NMUR1: variants seen among roughly 807,000 people sequenced by gnomAD.
The protein encoded by NMUR1 is neuromedin U receptor 1.
NMUR1 carries 16 observed loss-of-function variants against 18.8 expected under a neutral mutation model. That is an observed-to-expected ratio of 0.85 (90% CI 0.58 to 1.29). NMUR1 has a LOEUF of 1.29. NMUR1 is among the 50% of genes most tolerant of loss of function. NMUR1 has a pLI of 0.00. For synonymous variants in NMUR1, 258 were observed against 258.2 expected (o/e 1.00, Z 0.01); for missense variants, 529 against 580.3 (o/e 0.91, Z 0.91).
At position 231,525,042 on chromosome 2, in the gene NMUR1, C is replaced by G. The variant is rs2125662687; in HGVS notation, c.*1G>C. On this transcript the variant is annotated 3_prime_UTR_variant, in exon 3 of 3. Coordinates refer to ENST00000305141, the MANE Select transcript of NMUR1 (RefSeq NM_006056.5). The stretch of plus-strand genomic sequence containing the variant: ...CAGGTGAAGCCACTTTAAGGCTCCA[C>G]TCAGGATGGATCGGTCTCTTGCTGC... The G allele has an allele frequency of 3.8e-6, 6 of 1,562,790 alleles. No homozygotes were observed. In the South Asian group the frequency reaches 7.3e-5, roughly 19 times the overall value.
intron 2 of NMUR1, 101 bp downstream of exon 2, chr2:231,528,022 C>T: frequency 7.9e-7 from 1 of 1,266,490 alleles, no homozygotes; most frequent in South Asian, 1.5e-5. Context: ...GTTCCTCGTC[C>T]CCCATAAACC....
rs780783722 is a variant in NMUR1, at chr2:231,528,888, CGTCA to C, written c.129_132del (p.Asp44ArgfsTer3). ...CCCAGGTACTTGAGTCTCAGTGCCTCGTCAGTCAGGTTCAAGTCCTCAGGGTCAA... is the reference window on the plus strand; with the variant it reads ...CCCAGGTACTTGAGTCTCAGTGCCTCGTCAGGTTCAAGTCCTCAGGGTCAA... On this transcript the variant is annotated frameshift_variant, in exon 2 of 3. Coordinates refer to ENST00000305141, the MANE Select transcript of NMUR1 (RefSeq NM_006056.5). LOFTEE classifies it high-confidence loss of function. 3 of 1,614,062 alleles carry C rather than the reference CGTCA, an allele frequency of 1.9e-6. No homozygotes were observed. Among genetic ancestry groups the C allele is most frequent in the South Asian group, 1.1e-5 (1 of 91,078 alleles).
chr2:231,528,805 C>T lies in NMUR1; in HGVS notation c.216G>A (p.Val72=). 6.2e-7 allele frequency: 1 copy of T among 1,614,252 alleles called. No individual in the cohort carries two copies. The highest frequency in any genetic ancestry group is 8.5e-7 in the Non-Finnish European group (1 of 1,180,048). The part of the protein sequence containing the change: ...PICATYLLIF[V]VGAVGNGLTC... ...TCAGCCCATTGCCCACAGCGCCCAC[C>T]ACGAAGATCAGCAGGTATGTGGCAC... is the stretch of plus-strand genomic sequence containing the variant. Residue 72 remains valine, a synonymous_variant, in exon 2 of 3, where the codon GTG becomes GTA. Coordinates refer to ENST00000305141, the MANE Select transcript of NMUR1 (RefSeq NM_006056.5).
Position 231,525,111 on chromosome 2 carries a change from C to G in NMUR1, c.1213G>C (p.Gly405Arg). The change falls in exon 3 of 3, where the codon GGC (glycine) becomes CGC (arginine). Residue 405 changes from glycine to arginine, a missense_variant. Gly to Arg is a moderately radical substitution (Grantham distance 125, BLOSUM62 -2). Transcript: ENST00000305141. ...GSTLCDVGSL[G>R]SWVHPLAGND... The stretch of plus-strand genomic sequence containing the variant: ...CCAGCCAGGGGGTGGACCCAGCTGC[C>G]CAGGGAGCCCACATCACACAGGGTG... 6.2e-7 allele frequency: 1 copy of G among 1,612,782 alleles called. No individual in the cohort carries two copies.
At position 231,524,149 on chromosome 2, in the gene NMUR1, A is replaced by C. The variant is rs1439035521; in HGVS notation, c.*894T>G. 6.6e-6 allele frequency: 1 copy of C among 152,274 alleles called. No homozygotes were observed. Among genetic ancestry groups the C allele is most frequent in the South Asian group, 2.1e-4 (1 of 4,838 alleles). The allele number at this position is 152,274 out of a possible 1,614,324, so 9.4% of individuals were successfully genotyped here. On this transcript the variant is annotated 3_prime_UTR_variant, in exon 3 of 3. Coordinates refer to ENST00000305141, the MANE Select transcript of NMUR1 (RefSeq NM_006056.5). The stretch of plus-strand genomic sequence containing the variant: ...GGGTATTGTTGGTTTTATTATAAGC[A>C]GTGGCTTACACACACACAGAAAGAA...
At chr2:231,522,476 TC>T (rs1021187143), downstream of NMUR1, among the ~76,000 whole-genome samples, 3 of 151,546 alleles carry the variant, frequency 2.0e-5, no homozygotes, top group Non-Finnish European at 4.4e-5. Flanking sequence ...ATCCGGCATC[TC>T]CCCCTCCCAC....
chr2:231,523,306 T>A lies in NMUR1; in HGVS notation c.*1737A>T, dbSNP rs953239868. ...ATGTACCATCTTAACCATTTCAGTG[T>A]ATAGTTCAGTATTGTTATGTATATT... On this transcript the variant is annotated 3_prime_UTR_variant, in exon 3 of 3. Transcript: ENST00000305141. 1 of 358,204 alleles carries A rather than the reference T, an allele frequency of 2.8e-6. No homozygotes were observed. Among genetic ancestry groups the A allele is most frequent in the Non-Finnish European group, 5.1e-6 (1 of 197,264 alleles). 22.2% of individuals were successfully genotyped at this position (358,204 alleles called of 1,614,324 possible). A position where few individuals can be genotyped will look rare whatever the true frequency, so the allele number is the denominator to read the frequency against.
chr2:231,529,121 A>G (rs2047390988), intron 1 of NMUR1, 104 bp from the exon 2 acceptor site: 2 of 1,136,014 alleles, frequency 1.8e-6, no homozygotes, highest in East Asian at 5.2e-5. Flanking sequence ...GATGACCATT[A>G]TTTTAGGCAC....
At chr2:231,526,502 G>A (rs549479485) in intron 2 of NMUR1, among the ~76,000 whole-genome samples, 1 of 152,338 alleles carries the variant, frequency 6.6e-6, no homozygotes, top group South Asian at 2.1e-4. Flanking sequence ...CATGTTTTCA[G>A]GGAGGGGACG....
chr2:231,529,118 A>T, intron 1 of NMUR1, 101 bp from the exon 2 acceptor site: 1 of 1,155,574 alleles, frequency 8.7e-7, no homozygotes, highest in Non-Finnish European at 1.2e-6. Context: ...TATGATGACC[A>T]TTATTTTAGG....
intron 2 of NMUR1, among the ~76,000 whole-genome samples, chr2:231,525,785 TG>T (rs2047350524): frequency 6.6e-6 from 1 of 152,202 alleles, no homozygotes; most frequent in Admixed American, 6.5e-5. Context: ...ATACAAGCTG[TG>T]GGGCTAGGGC....
At chr2:231,521,756 T>C (rs199749281), downstream of NMUR1, among the ~76,000 whole-genome samples, 19 of 152,074 alleles carry the variant, frequency 1.2e-4, no homozygotes, top group East Asian at 2.1e-3. Flanking sequence ...GACCTGGGAG[T>C]AGCACTGGGG....
chr2:231,522,011 T>TC (rs2047309319), downstream of NMUR1, among the ~76,000 whole-genome samples: 1 of 114,460 alleles, frequency 8.7e-6, no homozygotes, highest in African/African-American at 3.4e-5. Context: ...AGGGCCTCAC[T>TC]CCAATTTGCC....
rs2047336349 is a variant in NMUR1 at position 231,524,609 on chromosome 2, A to G, written c.*434T>C. ...TGATGGTGCATGACAAGGTGGTGAC[A>G]GCAGGGCTGAGATTGGAACCAGGTC... On this transcript the variant is annotated 3_prime_UTR_variant, in exon 3 of 3. Coordinates refer to ENST00000305141, the MANE Select transcript of NMUR1 (RefSeq NM_006056.5). The G allele has an allele frequency of 5.7e-6, 1 of 174,412 alleles. No homozygotes were observed. 10.8% of individuals were successfully genotyped at this position (174,412 alleles called of 1,614,324 possible).
chr2:231,525,047 G>A lies in NMUR1; in HGVS notation c.1277C>T (p.Ser426Phe). 1 of 1,569,908 alleles carries A rather than the reference G, an allele frequency of 6.4e-7. No homozygotes were observed. Among genetic ancestry groups the A allele is most frequent in the Non-Finnish European group, 8.6e-7 (1 of 1,159,178 alleles). Reference protein sequence around the residue: ...GPEAQQETDPS With the variant: ...GPEAQQETDPF ...GAAGCCACTTTAAGGCTCCACTCAGGATGGATCGGTCTCTTGCTGCGCCTC... is the reference window on the plus strand; with the variant it reads ...GAAGCCACTTTAAGGCTCCACTCAGAATGGATCGGTCTCTTGCTGCGCCTC... Residue 426 changes from serine to phenylalanine, a missense_variant, in exon 3 of 3, where the codon TCC becomes TTC. Ser to Phe is a radical substitution (Grantham distance 155). Transcript: ENST00000305141.
At chr2:231,522,151 T>G (rs757259003), downstream of NMUR1, among the ~76,000 whole-genome samples, 7 of 151,682 alleles carry the variant, frequency 4.6e-5, no homozygotes, top group Non-Finnish European at 2.9e-5. Flanking sequence ...GGCTACTTTT[T>G]GTGTGTGTGT....
chr2:231,519,338 G>A (rs570004290), downstream of NMUR1, among the ~76,000 whole-genome samples: 21 of 152,264 alleles, frequency 1.4e-4, no homozygotes, highest in South Asian at 2.9e-3. Context: ...GCACCTATGC[G>A]TCAGGCCTTT....
chr2:231,518,507 C>G (rs2047284555), downstream of NMUR1, among the ~76,000 whole-genome samples: 1 of 152,198 alleles, frequency 6.6e-6, no homozygotes, highest in African/African-American at 2.4e-5. Context: ...CCACCGCGCC[C>G]AGCCTACTCA....
rs1575286564 is a variant in NMUR1 at position 231,525,478 on chromosome 2, C to T, written c.899-53G>A. On this transcript the variant is annotated intron_variant, in intron 2 of 2. Transcript: ENST00000305141. The stretch of plus-strand genomic sequence containing the variant: ...TGCCCGCCCGAGGCCCCTCAGCTGC[C>T]TTCCCGGGCTTCAGTTTGGGTCACC... 3.2e-6 allele frequency: 5 copies of T among 1,544,228 alleles called. No individual in the cohort carries two copies. The East Asian group carries it at 1.1e-4, about 35-fold the overall frequency.
Sources: gnomAD v4.1 joint callset for allele counts (sites outside exome capture counted in the v4.1 genomes callset) on GRCh38, gnomAD v4.1.1 for gene constraint, MANE v1.5 for transcripts, NCBI Gene and HGNC (gene_info 2026-07-23, HGNC 2026-07-21) for gene names.